The following MCUR1 variants were observed in gnomAD, a reference collection of about 807,000 sequenced individuals.
The protein encoded by MCUR1 is mitochondrial calcium uniporter regulator 1, also known as MCU regulator 1.
In MCUR1, 37 loss-of-function variants were observed where a neutral mutation model predicts 42.0. The observed-to-expected ratio is 0.88, with a 90% CI of 0.68 to 1.16. The LOEUF is 1.16. Among genes scored for constraint, MCUR1 ranks in the 50% most tolerant of loss-of-function variants. The pLI is 0.00. For missense variants in MCUR1, 469 were observed against 468.4 expected (o/e 1.00, Z -0.01); for synonymous variants, 229 against 196.2 (o/e 1.17, Z -1.40).
intron 2 of MCUR1, among the ~76,000 whole-genome samples, chr6:13,806,421 C>G (rs1044293578): frequency 2.0e-5 from 3 of 152,196 alleles, no homozygotes; most frequent in Admixed American, 6.5e-5. Flanking sequence ...GGAATCATTC[C>G]TCAGCTTTGC....
At chr6:13,801,708 G>T (rs1361118647) in intron 3 of MCUR1, among the ~76,000 whole-genome samples, 1 of 152,120 alleles carries the variant, frequency 6.6e-6, no homozygotes, top group Admixed American at 6.6e-5. Context: ...AAATTAGCCA[G>T]CTGTAGCAGT....
intron 6 of MCUR1, 146 bp from the exon 7 acceptor site, chr6:13,794,093 C>T: frequency 1.6e-6 from 1 of 606,200 alleles, no homozygotes; most frequent in South Asian, 2.0e-5. Flanking sequence ...CTACCTGCTT[C>T]TTTATATGTG....
intron 2 of MCUR1, chr6:13,804,363 T>A (rs62387430): frequency 0.023 from 3,467 of 152,342 alleles, 68 homozygotes; most frequent in Non-Finnish European, 0.037. Context: ...AAAATTAGGT[T>A]TGGCAATGAT....
intron 8 of MCUR1, among the ~76,000 whole-genome samples, chr6:13,791,296 C>T (rs1363522937): frequency 6.6e-6 from 1 of 152,154 alleles, no homozygotes. Context: ...TCTGTGGTCA[C>T]AAGGTCTATG....
At position 13,788,848 on chromosome 6, in the gene MCUR1, G is replaced by A. The variant is rs1195427884; in HGVS notation, c.*1961C>T. On this transcript the variant is annotated 3_prime_UTR_variant, in exon 9 of 9. Coordinates refer to ENST00000379170, the MANE Select transcript of MCUR1 (RefSeq NM_001031713.4). ...GTACTTGATTTTCATACTATATGGA[G>A]CTCACAATCTTTGGACTACACAAAC... 1.3e-5 allele frequency: 2 copies of A among 152,186 alleles called. No individual in the cohort carries two copies. Among genetic ancestry groups the A allele is most frequent in the African/African-American group, 2.4e-5 (1 of 41,432 alleles). 9.4% of individuals were successfully genotyped at this position (152,186 alleles called of 1,614,324 possible). A position where few individuals can be genotyped will look rare whatever the true frequency, so the allele number is the denominator to read the frequency against.
chr6:13,814,094 G>C lies in MCUR1; in HGVS notation c.336C>G (p.Cys112Trp), dbSNP rs937102467. The C allele has an allele frequency of 3.2e-6, 4 of 1,241,588 alleles. No homozygotes were observed. The highest frequency in any genetic ancestry group is 4.2e-5 in the Admixed American group (1 of 23,652). The allele number at this position is 1,241,588 out of a possible 1,614,324, so 76.9% of individuals were successfully genotyped here. Residue 112 changes from cysteine to tryptophan, a missense_variant, in exon 1 of 9, where the codon TGC becomes TGG. Cys to Trp is a radical substitution (Grantham distance 215). Coordinates refer to ENST00000379170, the MANE Select transcript of MCUR1 (RefSeq NM_001031713.4). ...CGGCGGCAGCGGCGACGCCCGGTGA[G>C]CACCTCCACGCGCTGCTGCGCCCGG... ...PPAGRSSAWR[C>W]SPGVAAAAGA...
At position 13,803,592 on chromosome 6, in the gene MCUR1, C is replaced by CA. The variant is rs571417499; in HGVS notation, c.536-1247dup. 42 of 260,734 alleles carry CA rather than the reference C, an allele frequency of 1.6e-4. 1 individual carries two copies. The South Asian group carries it at 4.2e-3, about 26-fold the overall frequency. The allele number at this position is 260,734 out of a possible 1,614,324, so 16.2% of individuals were successfully genotyped here. A position where few individuals can be genotyped will look rare whatever the true frequency, so the allele number is the denominator to read the frequency against. On this transcript the variant is annotated intron_variant, in intron 2 of 8. Coordinates refer to ENST00000379170, the MANE Select transcript of MCUR1 (RefSeq NM_001031713.4). ...AGATGAAGCATGGGACTATAATGAA[C>CA]AAAAAAACCAAAGACACAGATTTAA...
intron 2 of MCUR1, among the ~76,000 whole-genome samples, chr6:13,803,308 G>A (rs954359684): frequency 2.0e-5 from 3 of 152,204 alleles, no homozygotes; most frequent in Non-Finnish European, 2.9e-5. Context: ...TGATCTGCCC[G>A]CCTTGGCCTC....
intron 3 of MCUR1, among the ~76,000 whole-genome samples, 165 bp downstream of exon 3, chr6:13,802,078 A>C (rs887298589): frequency 1.3e-5 from 2 of 152,182 alleles, no homozygotes; most frequent in Non-Finnish European, 2.9e-5. Context: ...AATAGTTCTG[A>C]GTAAGTATTT....
At chr6:13,806,794 A>T (rs1760120186) in intron 2 of MCUR1, 131 bp downstream of exon 2, 1 of 1,142,574 alleles carries the variant, frequency 8.8e-7, no homozygotes, top group Non-Finnish European at 1.2e-6. Context: ...GTCTCTAAAT[A>T]AATTAATTAA....
chr6:13,802,100 G>A lies in MCUR1; in HGVS notation c.639+143C>T, dbSNP rs1229641790. 5.3e-6 allele frequency: 3 copies of A among 561,794 alleles called. No individual in the cohort carries two copies. In the African/African-American group the frequency reaches 5.7e-5, roughly 11 times the overall value. The allele number at this position is 561,794 out of a possible 1,614,324, so 34.8% of individuals were successfully genotyped here. On this transcript the variant is annotated intron_variant, in intron 3 of 8. Transcript: ENST00000379170. Reference sequence around the variant, plus strand: ...CTGAGTAAGTATTTTTTATGCCACTGTAATCTTTTGCCTCTTAATCATGGT... The same window carrying A: ...CTGAGTAAGTATTTTTTATGCCACTATAATCTTTTGCCTCTTAATCATGGT...
rs1759612635 is a variant in MCUR1, at chr6:13,786,772, A to T, written c.*4037T>A. 1 of 152,222 alleles carries T rather than the reference A, an allele frequency of 6.6e-6. No individual in the cohort carries two copies. The allele number at this position is 152,222 out of a possible 1,614,324, so 9.4% of individuals were successfully genotyped here. The stretch of plus-strand genomic sequence containing the variant: ...TAGTAAGAATCTTACACTTTATTAG[A>T]TAATAAAACATAATTGATATTTGCT... On this transcript the variant is annotated 3_prime_UTR_variant, in exon 9 of 9. Coordinates refer to ENST00000379170, the MANE Select transcript of MCUR1 (RefSeq NM_001031713.4).
chr6:13,813,069 T>G (rs980000980), intron 1 of MCUR1, among the ~76,000 whole-genome samples: 26 of 152,242 alleles, frequency 1.7e-4, no homozygotes, highest in Admixed American at 1.6e-3. Context: ...GTGTTCAGAT[T>G]GCCTCTAGTA....
Position 13,803,737 on chromosome 6 carries a change from T to G in MCUR1, c.536-1391A>C, listed in dbSNP as rs141300940. ...ATACAAAAGGTTACTCACCAAAATG[T>G]TAACATTGTTTAGCTCTGACTCTGT... is the stretch of plus-strand genomic sequence containing the variant. On this transcript the variant is annotated intron_variant, in intron 2 of 8. Coordinates refer to ENST00000379170, the MANE Select transcript of MCUR1 (RefSeq NM_001031713.4). The G allele has an allele frequency of 2.3e-4, 222 of 984,194 alleles. No individual in the cohort carries two copies. The East Asian group carries it at 0.017, about 77-fold the overall frequency. The allele number at this position is 984,194 out of a possible 1,614,324, so 61.0% of individuals were successfully genotyped here. A position where few individuals can be genotyped will look rare whatever the true frequency, so the allele number is the denominator to read the frequency against.
chr6:13,800,340 C>T lies in MCUR1; in HGVS notation c.783+1G>A. On this transcript the variant is annotated splice_donor_variant, in intron 5 of 8. Transcript: ENST00000379170. LOFTEE classifies it high-confidence loss of function. ...CCAACAAACAGGAAAGTGAATCTTA[C>T]CATTACTTGTTGTTTTAACTGATGT... 2 of 1,567,552 alleles carry T rather than the reference C, an allele frequency of 1.3e-6. No homozygotes were observed. The highest frequency in any genetic ancestry group is 8.7e-7 in the Non-Finnish European group (1 of 1,149,596).
rs760667816 is a variant in MCUR1 at position 13,801,392 on chromosome 6, A to G, written c.640-3T>C. The G allele has an allele frequency of 6.2e-7, 1 of 1,600,656 alleles. No individual in the cohort carries two copies. The highest frequency in any genetic ancestry group is 8.5e-7 in the Non-Finnish European group (1 of 1,171,816). The stretch of plus-strand genomic sequence containing the variant: ...ATTACTTGCTGAAAAGTGATTTCCT[A>G]GGAAAAGAAAAACAAAACACATAAT... On this transcript the variant is annotated splice_polypyrimidine_tract_variant and splice_region_variant and intron_variant, in intron 3 of 8. Coordinates refer to ENST00000379170, the MANE Select transcript of MCUR1 (RefSeq NM_001031713.4).
intron 2 of MCUR1, chr6:13,803,753 C>T: frequency 1.0e-6 from 1 of 985,240 alleles, no homozygotes; most frequent in South Asian, 4.7e-5. Flanking sequence ...TTGTTTAGCT[C>T]TGACTCTGTT....
intron 5 of MCUR1, among the ~76,000 whole-genome samples, chr6:13,799,412 T>C (rs1021362586): frequency 1.3e-5 from 2 of 152,206 alleles, no homozygotes; most frequent in Non-Finnish European, 2.9e-5. Flanking sequence ...GTTGAACTCC[T>C]GACCTTGTGA....
At chr6:13,793,342 C>T (rs1334835233) in intron 7 of MCUR1, among the ~76,000 whole-genome samples, 2 of 152,068 alleles carry the variant, frequency 1.3e-5, no homozygotes, top group African/African-American at 2.4e-5. Context: ...GCACTATTCA[C>T]AAAGGCCAAC....
Sources: allele counts gnomAD v4.1 joint callset (sites outside exome capture counted in the v4.1 genomes callset), GRCh38; gene constraint gnomAD v4.1.1; transcripts MANE v1.5; gene names NCBI Gene and HGNC (gene_info 2026-07-23, HGNC 2026-07-21).